MEFV: variants seen among roughly 807,000 people sequenced by gnomAD.
The protein encoded by MEFV is pyrin.
In MEFV, 60 loss-of-function variants were observed where a neutral mutation model predicts 62.5. The ratio of observed to expected loss-of-function variants is 0.96; its 90% confidence interval spans 0.78 to 1.19. The LOEUF is 1.19. Ranked by LOEUF, MEFV falls within the 50% of genes most tolerant of loss-of-function variation. The probability of loss-of-function intolerance (pLI) is 0.00; values close to 1 mark genes in which losing one functional copy is unlikely to be tolerated. For synonymous variants in MEFV, 500 were observed against 415.2 expected (o/e 1.20, Z -2.48); for missense variants, 1,169 against 1,004.5 (o/e 1.16, Z -2.21).
chr16:3,251,875 C>T, intron 2 of MEFV: 1 of 197,192 alleles, frequency 5.1e-6, no homozygotes, highest in Non-Finnish European at 1.1e-5. Flanking sequence ...AAGCCTGCAT[C>T]AGATTAACGA....
At chr16:3,255,657 T>G (rs1428600925) in intron 1 of MEFV, among the ~76,000 whole-genome samples, 2 of 151,906 alleles carry the variant, frequency 1.3e-5, no homozygotes, top group Admixed American at 6.6e-5. Context: ...TCCACCCACC[T>G]TAGCCTCCCA....
rs199796428 is a variant in MEFV, at chr16:3,256,631, T to C, written c.-44A>G. 5.5e-5 allele frequency: 89 copies of C among 1,613,270 alleles called. No individual in the cohort carries two copies. The highest frequency in any genetic ancestry group is 1.7e-4 in the Middle Eastern group (1 of 6,056). On this transcript the variant is annotated 5_prime_UTR_variant, in exon 1 of 10. Coordinates refer to ENST00000219596, the MANE Select transcript of MEFV (RefSeq NM_000243.3). ...CTCGAGCCAGCTGTCTGGCTTCTGGTAGGAAAAGAAGCCTCTGTCCTTGGT... is the reference window on the plus strand; with the variant it reads ...CTCGAGCCAGCTGTCTGGCTTCTGGCAGGAAAAGAAGCCTCTGTCCTTGGT...
intron 2 of MEFV, among the ~76,000 whole-genome samples, chr16:3,251,196 CGTTTCCCT>C (rs1959027610): frequency 6.6e-6 from 1 of 152,090 alleles, no homozygotes; most frequent in Admixed American, 6.6e-5. Context: ...TAATTGTCCA[CGTTTCCCT>C]GTTTCCCTGC....
chr16:3,243,811 C>T (rs1483491515), intron 9 of MEFV, 49 bp downstream of exon 9: 1 of 1,609,678 alleles, frequency 6.2e-7, no homozygotes, highest in Non-Finnish European at 8.5e-7. Flanking sequence ...TAGGGGAGAG[C>T]ACAGGGATCC....
chr16:3,255,738 C>T (rs553744945), intron 1 of MEFV, among the ~76,000 whole-genome samples: 3 of 152,148 alleles, frequency 2.0e-5, no homozygotes, highest in Admixed American at 6.5e-5. Context: ...ACTTTTCAAA[C>T]GTTTTAAGCA....
chr16:3,249,348 C>T (rs961550907), intron 3 of MEFV, 83 bp downstream of exon 3: 2 of 1,310,250 alleles, frequency 1.5e-6, no homozygotes, highest in Admixed American at 1.7e-5. Flanking sequence ...GCACCAACAA[C>T]CCAGAGTTGT....
Position 3,247,174 on chromosome 16 carries a change from C to A in MEFV, c.1429G>T (p.Glu477Ter), listed in dbSNP as rs752413551. The A allele has an allele frequency of 6.2e-7, 1 of 1,614,162 alleles. No homozygotes were observed. The highest frequency in any genetic ancestry group is 1.3e-5 in the African/African-American group (1 of 75,036). ...TCCAGTGAGGCCACAAAGAAATGCTCTTGCTGCTCCAGGAAGTAGTACACC... is the reference window on the plus strand; with the variant it reads ...TCCAGTGAGGCCACAAAGAAATGCTATTGCTGCTCCAGGAAGTAGTACACC... The part of the protein sequence containing the change: ...EQVYYFLEQQ[E>*]HFFVASLEDV... The change falls in exon 5 of 10, where the codon GAG becomes TAG. Residue 477 changes from glutamate to a stop codon, truncating the protein, a stop_gained. Coordinates refer to ENST00000219596, the MANE Select transcript of MEFV (RefSeq NM_000243.3). LOFTEE classifies it high-confidence loss of function.
Position 3,243,109 on chromosome 16 carries a change from A to G in MEFV, c.*32T>C, listed in dbSNP as rs1450506476. 1 of 1,609,176 alleles carries G rather than the reference A, an allele frequency of 6.2e-7. No homozygotes were observed. The highest frequency in any genetic ancestry group is 1.3e-5 in the African/African-American group (1 of 74,936). On this transcript the variant is annotated 3_prime_UTR_variant, in exon 10 of 10. Coordinates refer to ENST00000219596, the MANE Select transcript of MEFV (RefSeq NM_000243.3). ...GAGTGTGAATGCAAGATACAAGGCCAGAAGCAGGAAGAGAGATGCAGTGTT... is the reference window on the plus strand; with the variant it reads ...GAGTGTGAATGCAAGATACAAGGCCGGAAGCAGGAAGAGAGATGCAGTGTT...
Position 3,247,247 on chromosome 16 carries a change from C to G in MEFV, c.1357-1G>C. ...GCTGCTTCAGCGCTTCAGTTTGTTT[C>G]TGGGGAGCAGAGGACAGGGAGGTAT... On this transcript the variant is annotated splice_acceptor_variant, in intron 4 of 9. Coordinates refer to ENST00000219596, the MANE Select transcript of MEFV (RefSeq NM_000243.3). LOFTEE classifies it high-confidence loss of function. 1 of 1,613,990 alleles carries G rather than the reference C, an allele frequency of 6.2e-7. No individual in the cohort carries two copies. The highest frequency in any genetic ancestry group is 1.7e-5 in the Admixed American group (1 of 60,022).
chr16:3,246,475 A>G, intron 6 of MEFV, 50 bp downstream of exon 6: 1 of 1,611,512 alleles, frequency 6.2e-7, no homozygotes, highest in Non-Finnish European at 8.5e-7. Flanking sequence ...TGTCTCCCCC[A>G]TATGCTTTCT....
chr16:3,242,992 A>T lies in MEFV; in HGVS notation c.*149T>A. ...TGTTCGTTCCTAACTTACCTCTGCT[A>T]TAATCGGGTAGGCTCCGTGGGCACA... On this transcript the variant is annotated 3_prime_UTR_variant, in exon 10 of 10. Transcript: ENST00000219596. The T allele has an allele frequency of 1.2e-6, 1 of 842,276 alleles. No homozygotes were observed. The highest frequency in any genetic ancestry group is 1.9e-6 in the Non-Finnish European group (1 of 522,850). The allele number at this position is 842,276 out of a possible 1,614,324, so 52.2% of individuals were successfully genotyped here. A position where few individuals can be genotyped will look rare whatever the true frequency, so the allele number is the denominator to read the frequency against.
In MEFV at chr16:3,254,542, G is replaced by C; in HGVS notation, c.526C>G (p.Arg176Gly). ...SEGLDAQGKP[R>G]TRSPALPGGR... ...CCCGGCAGGGCCGGGCTCCGGGTCC[G>C]AGGCTTGCCCTGCGCGTCCAGGCCC... Residue 176 changes from arginine to glycine, a missense_variant, in exon 2 of 10, where the codon CGG becomes GGG. Coordinates refer to ENST00000219596, the MANE Select transcript of MEFV (RefSeq NM_000243.3). 2 of 1,556,186 alleles carry C rather than the reference G, an allele frequency of 1.3e-6. No homozygotes were observed. Among genetic ancestry groups the C allele is most frequent in the Non-Finnish European group, 1.7e-6 (2 of 1,154,326 alleles).
chr16:3,246,497 C>G, intron 6 of MEFV, 28 bp downstream of exon 6: 1 of 1,614,002 alleles, frequency 6.2e-7, no homozygotes, highest in Non-Finnish European at 8.5e-7. Context: ...CAAGACACCC[C>G]AGGGTACACC....
chr16:3,244,869 T>C (rs1287048031), intron 6 of MEFV, among the ~76,000 whole-genome samples: 2 of 152,172 alleles, frequency 1.3e-5, no homozygotes, highest in Admixed American at 6.5e-5. Context: ...GAATTATCTA[T>C]GTCAAATTGA....
At chr16:3,254,936 T>G in intron 1 of MEFV, 146 bp from the exon 2 acceptor site, 1 of 1,328,456 alleles carries the variant, frequency 7.5e-7, no homozygotes, top group Non-Finnish European at 1.0e-6. Context: ...CATGCCTGTA[T>G]TCCCGGCACT....
At position 3,251,925 on chromosome 16, in the gene MEFV, A is replaced by G. The variant is rs541273656; in HGVS notation, c.911-2145T>C. The G allele has an allele frequency of 9.5e-5, 31 of 326,502 alleles. 1 individual carries two copies. Among genetic ancestry groups the G allele is most frequent in the South Asian group, 7.5e-4 (31 of 41,396 alleles). The allele number at this position is 326,502 out of a possible 1,614,324, so 20.2% of individuals were successfully genotyped here. On this transcript the variant is annotated intron_variant, in intron 2 of 9. Transcript: ENST00000219596. ...ACACCCAGGAATCCCAATGATATAA[A>G]TACAGTGGGGACCTGGTGCAGTGGT... is the stretch of plus-strand genomic sequence containing the variant.
chr16:3,248,969 C>A lies in MEFV; in HGVS notation c.1296G>T (p.Lys432Asn), dbSNP rs1262737439. The A allele has an allele frequency of 6.2e-7, 1 of 1,614,118 alleles. No homozygotes were observed. Among genetic ancestry groups the A allele is most frequent in the African/African-American group, 1.3e-5 (1 of 74,946 alleles). The change falls in exon 4 of 10, where the codon AAG becomes AAT. Residue 432 changes from lysine to asparagine, a missense_variant. Transcript: ENST00000219596. ...GCTGCTCCTCCCCTGATTTTCTCAG[C>A]TTCTTCAGATGCTCCAGCTGCTTCT... The part of the protein sequence containing the change: ...KIQKQLEHLK[K>N]LRKSGEEQRS...
intron 1 of MEFV, among the ~76,000 whole-genome samples, chr16:3,255,321 A>G (rs942468596): frequency 2.0e-5 from 3 of 152,178 alleles, no homozygotes; most frequent in South Asian, 4.1e-4. Flanking sequence ...CATCTCAAAA[A>G]CAAAAGTTCA....
Position 3,249,663 on chromosome 16 carries a change from TG to T in MEFV, c.1027del (p.Gln343ArgfsTer25), listed in dbSNP as rs1167328352. 5 of 1,613,106 alleles carry T rather than the reference TG, an allele frequency of 3.1e-6. No individual in the cohort carries two copies. The Admixed American group carries it at 8.3e-5, about 27-fold the overall frequency. On this transcript the variant is annotated frameshift_variant, in exon 3 of 10. Transcript: ENST00000219596. LOFTEE classifies it high-confidence loss of function. ...SFPEAVSGHPQASGSRSPGCP... is the reference protein window; with the variant it reads ...SFPEAVSGHPXASGSRSPGCP... ...GCCAGGTGAGCGGCTGCCTGAGGCC[TG>T]GGGGTGCCCAGAAACTGCCTCGGGG... is the stretch of plus-strand genomic sequence containing the variant.
Sources: gnomAD v4.1 joint callset for allele counts (sites outside exome capture counted in the v4.1 genomes callset) on GRCh38, gnomAD v4.1.1 for gene constraint, MANE v1.5 for transcripts, NCBI Gene and HGNC (gene_info 2026-07-23, HGNC 2026-07-21) for gene names.